The following RBFOX2 variants were observed in gnomAD, a reference collection of about 807,000 sequenced individuals.
RBFOX2 encodes the protein RNA binding fox-1 homolog 2.
In RBFOX2, 10 loss-of-function variants were observed where a neutral mutation model predicts 49.1. The ratio of observed to expected loss-of-function variants is 0.20; its 90% CI spans 0.13 to 0.35. The LOEUF (loss-of-function observed/expected upper bound fraction) is 0.35, where lower values mean the gene tolerates loss of function less well. RBFOX2 is among the 10% of genes least tolerant of loss of function. RBFOX2 has a pLI of 1.00. For synonymous variants in RBFOX2, 183 were observed against 187.4 expected, an observed-to-expected ratio of 0.98 and a Z score of 0.19; for missense variants, 323 against 486.9, an observed-to-expected ratio of 0.66 and a Z score of 3.17.
exon 2 of RBFOX2, chr22:35,809,982 G>A: frequency 1.2e-6 from 2 of 1,614,144 alleles, no homozygotes; most frequent in Non-Finnish European, 1.7e-6. Context: ...TGCGTCAGGA[G>A]TTGTTGTCGG....
intron 1 of RBFOX2, among the ~76,000 whole-genome samples, chr22:35,857,045 A>G (rs926881627): frequency 1.3e-5 from 2 of 152,222 alleles, no homozygotes; most frequent in African/African-American, 4.8e-5. Context: ...AAGGAAAAAA[A>G]GAGAAAGAAA....
rs139912549 is a variant in RBFOX2, at chr22:35,849,272, A to AAC, written c.-33-39270_-33-39269dup. 2.4e-3 allele frequency among the ~76,000 whole-genome samples: 343 copies of AAC among 141,050 alleles called. 2 individuals carry two copies. Among genetic ancestry groups the AAC allele is most frequent in the African/African-American group, 8.6e-3 (320 of 37,366 alleles). The allele number at this position is 141,050 out of a possible 152,430, so 92.5% of individuals were successfully genotyped here. Reference sequence around the variant, plus strand: ...ATATTGTCCAGCCCACCTGGTTCAAAACACACACACACACATACACACACA... The same window carrying AAC: ...ATATTGTCCAGCCCACCTGGTTCAAAACACACACACACACACATACACACACA... On this transcript the variant is annotated intron_variant, in intron 1 of 13. Transcript: ENST00000359369.
chr22:35,890,210 TGAAAACA>T (rs1368422244), intron 1 of RBFOX2, among the ~76,000 whole-genome samples: 1 of 152,154 alleles, frequency 6.6e-6, no homozygotes, highest in African/African-American at 2.4e-5. Flanking sequence ...CGAAGGGTGA[TGAAAACA>T]GAATTCAGGT....
chr22:35,742,817 A>G (rs1485538186), exon 12 of RBFOX2: 1 of 152,350 alleles, frequency 6.6e-6, no homozygotes, highest in African/African-American at 2.4e-5. Context: ...CCTCCTTCCA[A>G]TATGGGAGGG....
chr22:35,999,657 A>C (rs539693597), intron 1 of RBFOX2: 70 of 152,296 alleles, frequency 4.6e-4, no homozygotes, highest in African/African-American at 1.7e-3. Flanking sequence ...TATGTAGACT[A>C]AAAGCTACAA....
intron 1 of RBFOX2, among the ~76,000 whole-genome samples, chr22:36,002,823 G>A (rs543526472): frequency 2.0e-5 from 3 of 152,290 alleles, no homozygotes; most frequent in East Asian, 1.9e-4. Flanking sequence ...TGGGGGTTTC[G>A]CCATGTGGGC....
At chr22:35,898,477 G>C in intron 1 of RBFOX2, 1 of 375,316 alleles carries the variant, frequency 2.7e-6, no homozygotes, top group Non-Finnish European at 4.9e-6. Context: ...CCAGGCTGCA[G>C]TGCAGTGGCG....
chr22:35,890,588 C>T (rs2149364618), intron 1 of RBFOX2, among the ~76,000 whole-genome samples: 1 of 152,086 alleles, frequency 6.6e-6, no homozygotes, highest in South Asian at 2.1e-4. Context: ...AACTGGAAAC[C>T]ACTGAACAAA....
rs902631338 is a variant in RBFOX2, at chr22:35,837,057, A to G, written c.27+3135T>C. On this transcript the variant is annotated intron_variant, in intron 1 of 11. Coordinates refer to ENST00000405409, the Ensembl canonical transcript of RBFOX2. Reference sequence around the variant, plus strand: ...TATCACATAAGCATGTCTATCGGCTATATTAGAATTTTGTGATTAAATTGC... The same window carrying G: ...TATCACATAAGCATGTCTATCGGCTGTATTAGAATTTTGTGATTAAATTGC... 1.3e-5 allele frequency among the ~76,000 whole-genome samples: 2 copies of G among 152,258 alleles called. 1 individual carries two copies. Among genetic ancestry groups the G allele is most frequent in the African/African-American group, 4.8e-5 (2 of 41,470 alleles).
At chr22:35,836,997 T>C (rs764061651) in intron 1 of RBFOX2, among the ~76,000 whole-genome samples, 16 of 152,178 alleles carry the variant, frequency 1.1e-4, no homozygotes, top group Non-Finnish European at 2.1e-4. Flanking sequence ...TCCTACAACA[T>C]ACACATGAAC....
intron 2 of RBFOX2, among the ~76,000 whole-genome samples, chr22:35,790,045 C>A (rs1448816921): frequency 1.3e-5 from 2 of 152,190 alleles, no homozygotes; most frequent in East Asian, 3.8e-4. Flanking sequence ...AATCTTCTAA[C>A]TGATGTCACC....
intron 1 of RBFOX2, among the ~76,000 whole-genome samples, chr22:35,868,347 G>C (rs548391646): frequency 6.6e-6 from 1 of 152,166 alleles, no homozygotes; most frequent in Non-Finnish European, 1.5e-5. Context: ...CTAATATGTA[G>C]AACCTTCATA....
chr22:35,897,225 C>T, intron 1 of RBFOX2: 1 of 1,219,482 alleles, frequency 8.2e-7, no homozygotes, highest in Middle Eastern at 1.9e-4. Flanking sequence ...CACGGGCTGA[C>T]CCAAAAGACA....
At position 35,915,723 on chromosome 22, in the gene RBFOX2, G is replaced by C. The variant is rs941971794; in HGVS notation, c.-34+23124C>G. Among the ~76,000 whole-genome samples, 3 of 152,172 alleles carry C rather than the reference G, an allele frequency of 2.0e-5. No homozygotes were observed. In the East Asian group the frequency reaches 5.8e-4, roughly 29 times the overall value. On this transcript the variant is annotated intron_variant, in intron 1 of 13. Coordinates refer to the RBFOX2 transcript ENST00000359369. ...CCTTTTACAGTCTCAACCAGTACATGAATCAGCTCTAGTTCACCTTAATAC... is the reference window on the plus strand; with the variant it reads ...CCTTTTACAGTCTCAACCAGTACATCAATCAGCTCTAGTTCACCTTAATAC...
intron 1 of RBFOX2, among the ~76,000 whole-genome samples, chr22:35,835,435 T>C (rs1399849388): frequency 6.6e-6 from 1 of 152,120 alleles, no homozygotes. Flanking sequence ...GATAAAATTG[T>C]TTACATATGG....
In RBFOX2 at chr22:35,976,037, G is replaced by A. The variant is rs145216933; in HGVS notation, c.187-37140C>T. 2.6e-5 allele frequency among the ~76,000 whole-genome samples: 4 copies of A among 152,134 alleles called. No homozygotes were observed. The East Asian group carries it at 7.7e-4, about 29-fold the overall frequency. Reference sequence around the variant, plus strand: ...TGGGCTGAGCCCCTCCTTCACTACTGTCCTTAAAGATCTGAATTTAAGTCC... The same window carrying A: ...TGGGCTGAGCCCCTCCTTCACTACTATCCTTAAAGATCTGAATTTAAGTCC... On this transcript the variant is annotated intron_variant, in intron 1 of 13. Transcript: ENST00000438146.
At chr22:35,771,724 A>T (rs1299049778) in intron 4 of RBFOX2, among the ~76,000 whole-genome samples, 2 of 152,200 alleles carry the variant, frequency 1.3e-5, no homozygotes, top group African/African-American at 2.4e-5. Flanking sequence ...TATCTATCAC[A>T]TTCACAATTT....
At chr22:35,939,070 G>A (rs2053423814), upstream of RBFOX2, 1 of 706,984 alleles carries the variant, frequency 1.4e-6, no homozygotes, top group South Asian at 1.6e-5. Flanking sequence ...CCTCTACACT[G>A]GCAAAAACAA....
exon 12 of RBFOX2, chr22:35,739,440 T>C (rs1928711140): frequency 6.6e-6 from 1 of 152,446 alleles, no homozygotes. Context: ...GCTCCAGCTA[T>C]TCACAAGCAG....
Sources: gnomAD v4.1 joint callset for allele counts (sites outside exome capture counted in the v4.1 genomes callset) on GRCh38, gnomAD v4.1.1 for gene constraint, MANE v1.5 for transcripts, NCBI Gene and HGNC (gene_info 2026-07-23, HGNC 2026-07-21) for gene names.